PCMT1: variants seen among roughly 807,000 people sequenced by gnomAD.
The protein encoded by PCMT1 is protein-L-isoaspartate(D-aspartate) O-methyltransferase.
A neutral mutation model predicts 29.2 loss-of-function variants in PCMT1; 9 were observed. The observed-to-expected ratio is 0.31, with a 90% CI of 0.19 to 0.54. PCMT1 has a LOEUF of 0.54. Ranked by LOEUF, PCMT1 falls within the 20% of genes least tolerant of loss-of-function variation. PCMT1 has a pLI of 0.95. For missense variants in PCMT1, 184 were observed against 282.2 expected, an observed-to-expected ratio of 0.65 and a Z score of 2.49; for synonymous variants, 98 against 97.5, an observed-to-expected ratio of 1.00 and a Z score of -0.03.
Position 149,799,677 on chromosome 6 carries a change from A to C in PCMT1, c.505-2523A>C, listed in dbSNP as rs140728125. Among the ~76,000 whole-genome samples the C allele has an allele frequency of 2.3e-3, 349 of 152,274 alleles. 1 individual carries two copies. Among genetic ancestry groups the C allele is most frequent in the African/African-American group, 8.1e-3 (335 of 41,562 alleles). ...AGGGAAGAGACAGATAGTAGGAAAA[A>C]CCAAAAGAGGAAACCACATAGGGCA... is the stretch of plus-strand genomic sequence containing the variant. On this transcript the variant is annotated intron_variant, in intron 6 of 7. Coordinates refer to ENST00000464889, the MANE Select transcript of PCMT1 (RefSeq NM_001360452.2).
chr6:149,764,304 T>C (rs1358412689), intron 1 of PCMT1, among the ~76,000 whole-genome samples: 2 of 152,224 alleles, frequency 1.3e-5, no homozygotes, highest in African/African-American at 2.4e-5. Context: ...ACCTCAATGT[T>C]ATGATCTGTC....
At chr6:149,772,035 T>C (rs1249070845) in intron 2 of PCMT1, 10 of 456,656 alleles carry the variant, frequency 2.2e-5, no homozygotes, top group African/African-American at 1.6e-4. Context: ...TTTAACTCCT[T>C]CTCCTGAAGC....
intron 2 of PCMT1, chr6:149,772,685 G>GT (rs1452539450): frequency 7.2e-6 from 3 of 414,786 alleles, no homozygotes; most frequent in African/African-American, 6.3e-5. Context: ...TCTAATAGAA[G>GT]TAAGTTTTAT....
chr6:149,758,931 C>T (rs1786628958), intron 1 of PCMT1, among the ~76,000 whole-genome samples: 1 of 152,078 alleles, frequency 6.6e-6, no homozygotes, highest in Non-Finnish European at 1.5e-5. Context: ...GGCTAGAGTG[C>T]AATGGCGCGA....
At position 149,753,635 on chromosome 6, in the gene PCMT1, G is replaced by GT. The variant is rs551756607; in HGVS notation, c.55+3687dup. ...CATGATCCACCACACCTGGCCAATA[G>GT]TTTTTTTTGTTTTGTTTTGTTTTGT... On this transcript the variant is annotated intron_variant, in intron 1 of 7. Coordinates refer to ENST00000464889, the MANE Select transcript of PCMT1 (RefSeq NM_001360452.2). 8.5e-5 allele frequency among the ~76,000 whole-genome samples: 13 copies of GT among 152,088 alleles called. No homozygotes were observed. In the South Asian group the frequency reaches 2.5e-3, roughly 29 times the overall value.
At chr6:149,779,660 A>T (rs1787733091) in intron 3 of PCMT1, among the ~76,000 whole-genome samples, 1 of 151,910 alleles carries the variant, frequency 6.6e-6, no homozygotes, top group Non-Finnish European at 1.5e-5. Flanking sequence ...AAATACAAAA[A>T]TTAGCCACGT....
At chr6:149,754,586 C>T (rs1786445008) in intron 1 of PCMT1, among the ~76,000 whole-genome samples, 1 of 152,066 alleles carries the variant, frequency 6.6e-6, no homozygotes, top group African/African-American at 2.4e-5. Context: ...CTCCCTTATC[C>T]CATGGTTTTG....
intron 3 of PCMT1, among the ~76,000 whole-genome samples, chr6:149,783,708 C>T (rs1787907749): frequency 6.6e-6 from 1 of 151,714 alleles, no homozygotes; most frequent in Non-Finnish European, 1.5e-5. Flanking sequence ...TTTTTTCTCC[C>T]CCCTGAGACA....
At chr6:149,770,931 A>G (rs1168942774) in intron 1 of PCMT1, among the ~76,000 whole-genome samples, 10 of 146,682 alleles carry the variant, frequency 6.8e-5, no homozygotes, top group Non-Finnish European at 1.5e-4. Flanking sequence ...CCCAGGAGGC[A>G]GAGCTTGCAG....
intron 4 of PCMT1, among the ~76,000 whole-genome samples, chr6:149,790,744 C>T (rs368632982): frequency 6.6e-6 from 1 of 152,126 alleles, no homozygotes; most frequent in East Asian, 1.9e-4. Flanking sequence ...CGCGGTGGCT[C>T]ACACCTATAA....
At chr6:149,788,355 C>T (rs1224099376) in intron 3 of PCMT1, among the ~76,000 whole-genome samples, 2 of 152,098 alleles carry the variant, frequency 1.3e-5, no homozygotes, top group Non-Finnish European at 2.9e-5. Flanking sequence ...TGATAATATT[C>T]CTTATAGGAA....
At chr6:149,792,237 C>A (rs1788399659) in intron 4 of PCMT1, among the ~76,000 whole-genome samples, 1 of 151,984 alleles carries the variant, frequency 6.6e-6, no homozygotes, top group East Asian at 1.9e-4. Flanking sequence ...ATTGCTTGAG[C>A]CCGGGAGACA....
chr6:149,782,855 A>C (rs1305051725), intron 3 of PCMT1, among the ~76,000 whole-genome samples: 1 of 152,126 alleles, frequency 6.6e-6, no homozygotes, highest in Non-Finnish European at 1.5e-5. Context: ...GAATAATGAA[A>C]TTTTAAAAAT....
chr6:149,764,072 G>C (rs1315003748), intron 1 of PCMT1, among the ~76,000 whole-genome samples: 1 of 152,196 alleles, frequency 6.6e-6, no homozygotes, highest in Non-Finnish European at 1.5e-5. Flanking sequence ...AGCCTCTTGT[G>C]ACTTTGAGAG....
At chr6:149,766,471 GACAA>G in intron 1 of PCMT1, among the ~76,000 whole-genome samples, 1 of 152,316 alleles carries the variant, frequency 6.6e-6, no homozygotes, top group Middle Eastern at 3.4e-3. Context: ...TGAAAAATGT[GACAA>G]ACAGAAAGTG....
intron 5 of PCMT1, chr6:149,795,045 A>C (rs1562420994): frequency 2.9e-6 from 1 of 341,416 alleles, no homozygotes; most frequent in Non-Finnish European, 5.7e-6. Flanking sequence ...ATACAGAAAT[A>C]AGCCAGGCAT....
At chr6:149,804,560 G>C (rs1259437750) in intron 7 of PCMT1, among the ~76,000 whole-genome samples, 3 of 152,066 alleles carry the variant, frequency 2.0e-5, no homozygotes, top group African/African-American at 7.2e-5. Context: ...TACCCAGGCT[G>C]TGTAGAGCAG....
intron 7 of PCMT1, among the ~76,000 whole-genome samples, chr6:149,808,691 C>T (rs911478898): frequency 3.3e-5 from 5 of 151,882 alleles, no homozygotes; most frequent in African/African-American, 1.2e-4. Context: ...GGCTGGAGTG[C>T]AGTGGCGTGA....
chr6:149,777,775 TCTTTCTTTGCTTTCTTTGA>T (rs1562408517), intron 3 of PCMT1, among the ~76,000 whole-genome samples: 1 of 152,110 alleles, frequency 6.6e-6, no homozygotes, highest in Non-Finnish European at 1.5e-5. Context: ...TTCCTTCCTT[TCTTTCTTTGCTTTCTTTGA>T]CTTTCTTTCT....
Sources: gnomAD v4.1 joint callset for allele counts (sites outside exome capture counted in the v4.1 genomes callset) on GRCh38, gnomAD v4.1.1 for gene constraint, MANE v1.5 for transcripts, NCBI Gene and HGNC (gene_info 2026-07-23, HGNC 2026-07-21) for gene names.